The following NTM variants were observed in gnomAD, a reference collection of about 807,000 sequenced individuals.
NTM encodes the protein neurotrimin.
A neutral mutation model predicts 42.1 loss-of-function variants in NTM; 13 were observed. The ratio of observed to expected loss-of-function variants is 0.31; its 90% confidence interval spans 0.20 to 0.49. NTM has a LOEUF of 0.49. NTM is among the 20% of genes least tolerant of loss of function. The pLI is 0.99. For synonymous variants in NTM, 187 were observed against 179.2 expected (o/e 1.04, Z -0.35); for missense variants, 373 against 452.8 (o/e 0.82, Z 1.60).
rs59685389 is a variant in NTM at position 132,213,730 on chromosome 11, CTTTTTTTTTTT to C, written c.526+1595_526+1605del. The stretch of plus-strand genomic sequence containing the variant: ...CTGGGAGCTGTCCTGGGCCACCATT[CTTTTTTTTTTT>C]TTTTTTTTTTTGAGACGGAGTCTCG... On this transcript the variant is annotated intron_variant, in intron 4 of 8. Transcript: ENST00000683400. 2.5e-5 allele frequency among the ~76,000 whole-genome samples: 2 copies of C among 80,520 alleles called. 1 individual carries two copies. Among genetic ancestry groups the C allele is most frequent in the South Asian group, 8.9e-4 (2 of 2,240 alleles). 52.8% of individuals were successfully genotyped at this position (80,520 alleles called of 152,430 possible). A position where few individuals can be genotyped will look rare whatever the true frequency, so the allele number is the denominator to read the frequency against.
At chr11:132,091,484 C>G (rs962895730) in intron 2 of NTM, among the ~76,000 whole-genome samples, 3 of 151,848 alleles carry the variant, frequency 2.0e-5, no homozygotes, top group Admixed American at 6.6e-5. Flanking sequence ...ACACATACCA[C>G]ATATTTATTT....
chr11:131,818,449 T>C (rs2093041561), intron 1 of NTM, among the ~76,000 whole-genome samples: 1 of 152,184 alleles, frequency 6.6e-6, no homozygotes. Flanking sequence ...TAGATTTGCA[T>C]ATTGATAGAA....
At position 132,336,310 on chromosome 11, in the gene NTM, T is replaced by G. The variant is rs1447489600; in HGVS notation, c.*1164T>G. The G allele has an allele frequency of 6.6e-6, 1 of 152,470 alleles. No individual in the cohort carries two copies. The highest frequency in any genetic ancestry group is 2.4e-5 in the African/African-American group (1 of 41,416). 9.4% of individuals were successfully genotyped at this position (152,470 alleles called of 1,614,324 possible). ...TCTAAAAGATGATAGAGTTTACTGG[T>G]AATTGTGTAATCAGCTCCTGCCTTT... On this transcript the variant is annotated 3_prime_UTR_variant, in exon 9 of 9. Transcript: ENST00000683400.
chr11:131,560,338 G>A (rs926070648), intron 1 of NTM, among the ~76,000 whole-genome samples: 2 of 152,118 alleles, frequency 1.3e-5, no homozygotes, highest in Non-Finnish European at 2.9e-5. Context: ...AGTCATAAAC[G>A]CAGTCAAAGA....
chr11:132,327,128 C>G (rs1031034921), intron 7 of NTM, among the ~76,000 whole-genome samples: 3 of 152,192 alleles, frequency 2.0e-5, no homozygotes, highest in Non-Finnish European at 4.4e-5. Flanking sequence ...AGGACTCTCA[C>G]GGTGATAAAT....
At chr11:131,757,664 T>C (rs906182743) in intron 1 of NTM, among the ~76,000 whole-genome samples, 1 of 152,236 alleles carries the variant, frequency 6.6e-6, no homozygotes. Context: ...GAGACACTGA[T>C]GTGAGTTGAA....
At chr11:131,518,490 C>A (rs140970209) in intron 1 of NTM, among the ~76,000 whole-genome samples, 2 of 152,296 alleles carry the variant, frequency 1.3e-5, no homozygotes, top group East Asian at 3.9e-4. Context: ...GGCCATCCAA[C>A]AAAAGCCCAG....
chr11:131,693,878 C>A (rs1269932395), intron 1 of NTM, among the ~76,000 whole-genome samples: 4 of 152,176 alleles, frequency 2.6e-5, no homozygotes, highest in African/African-American at 9.6e-5. Context: ...CAGCCTGGGT[C>A]TGCAGGTGGA....
intron 2 of NTM, among the ~76,000 whole-genome samples, chr11:132,062,729 G>T (rs1281951809): frequency 6.6e-6 from 1 of 152,238 alleles, no homozygotes; most frequent in African/African-American, 2.4e-5. Flanking sequence ...AATAGTTAGA[G>T]GAATGTGTTC....
intron 2 of NTM, among the ~76,000 whole-genome samples, chr11:132,134,692 G>GTAGTA (rs1472249897): frequency 8.4e-6 from 1 of 118,832 alleles, no homozygotes; most frequent in Non-Finnish European, 1.7e-5. Flanking sequence ...TTATGGCCGA[G>GTAGTA]TAGTATTCCA....
At chr11:131,613,514 G>A (rs916921218) in intron 1 of NTM, among the ~76,000 whole-genome samples, 1 of 152,186 alleles carries the variant, frequency 6.6e-6, no homozygotes, top group Non-Finnish European at 1.5e-5. Flanking sequence ...AGACAGAGGA[G>A]GGAATCTATG....
Position 132,292,262 on chromosome 11 carries a change from C to G in NTM, c.527-15427C>G, listed in dbSNP as rs1031854075. Among the ~76,000 whole-genome samples, 7 of 152,208 alleles carry G rather than the reference C, an allele frequency of 4.6e-5. 1 individual carries two copies. The highest frequency in any genetic ancestry group is 1.7e-4 in the African/African-American group (7 of 41,528). On this transcript the variant is annotated intron_variant, in intron 4 of 8. Transcript: ENST00000683400. ...GAAGTGAAGGGGTTGAGGATATTTC[C>G]CCATGAGAGTTGCAGTGATGGGTCA...
At chr11:131,982,546 T>C (rs913446364) in intron 2 of NTM, among the ~76,000 whole-genome samples, 8 of 152,032 alleles carry the variant, frequency 5.3e-5, no homozygotes, top group Non-Finnish European at 1.0e-4. Flanking sequence ...GGTGCTCCCC[T>C]ATGGAAAGCA....
At position 131,514,052 on chromosome 11, in the gene NTM, A is replaced by G. The variant is rs562871024; in HGVS notation, c.82+143164A>G. ...ACCAGGAGAAATTATTATTAATGAT[A>G]ATAATAATAATGGTAAGTCAGCTGA... On this transcript the variant is annotated intron_variant, in intron 1 of 8. Coordinates refer to ENST00000683400, the MANE Select transcript of NTM (RefSeq NM_001352005.2). 2.0e-5 allele frequency among the ~76,000 whole-genome samples: 3 copies of G among 152,192 alleles called. No homozygotes were observed. In the East Asian group the frequency reaches 5.8e-4, roughly 29 times the overall value.
intron 7 of NTM, chr11:132,314,961 A>G (rs1300977779): frequency 1.0e-5 from 12 of 1,203,150 alleles, no homozygotes; most frequent in African/African-American, 1.6e-5. Context: ...GTACATGTAT[A>G]AAAGTAGATC....
intron 1 of NTM, among the ~76,000 whole-genome samples, chr11:131,898,451 G>A (rs1228699901): frequency 6.6e-6 from 1 of 152,176 alleles, no homozygotes; most frequent in Non-Finnish European, 1.5e-5. Flanking sequence ...TTATAAATAA[G>A]ACACTCTCCC....
intron 1 of NTM, among the ~76,000 whole-genome samples, chr11:131,401,087 G>T (rs1439456185): frequency 1.3e-5 from 2 of 149,646 alleles, no homozygotes; most frequent in Non-Finnish European, 2.9e-5. Flanking sequence ...AGAGACAGGA[G>T]AAGTGGAAAG....
intron 1 of NTM, among the ~76,000 whole-genome samples, chr11:131,902,345 C>A (rs904459551): frequency 6.6e-6 from 1 of 152,170 alleles, no homozygotes; most frequent in Non-Finnish European, 1.5e-5. Context: ...TGTGTGGGTG[C>A]CTTCCCACCA....
intron 1 of NTM, among the ~76,000 whole-genome samples, chr11:131,500,564 T>C (rs1281637115): frequency 1.2e-3 from 30 of 25,014 alleles, no homozygotes; most frequent in African/African-American, 8.8e-3. Context: ...TATATATATA[T>C]ATATATATAT....
Sources: gnomAD v4.1 joint callset for allele counts (sites outside exome capture counted in the v4.1 genomes callset) on GRCh38, gnomAD v4.1.1 for gene constraint, MANE v1.5 for transcripts, NCBI Gene and HGNC (gene_info 2026-07-23, HGNC 2026-07-21) for gene names.